The following GDPD5 variants were observed in gnomAD, a reference collection of about 807,000 sequenced individuals.
GDPD5 encodes the protein glycerophosphodiester phosphodiesterase domain containing 5, also known as glycerophosphodiester phosphodiesterase 2.
A neutral mutation model predicts 75.1 loss-of-function variants in GDPD5; 48 were observed. The observed-to-expected ratio is 0.64, with a 90% CI of 0.51 to 0.81. The LOEUF (loss-of-function observed/expected upper bound fraction) is 0.81. GDPD5 is among the 40% of genes least tolerant of loss of function. GDPD5 has a pLI of 0.00. For missense variants in GDPD5, 706 were observed against 822.6 expected (o/e 0.86, Z 1.73); for synonymous variants, 336 against 339.0 (o/e 0.99, Z 0.10).
At chr11:75,445,236 A>T (rs1384298653) in intron 9 of GDPD5, among the ~76,000 whole-genome samples, 1 of 152,066 alleles carries the variant, frequency 6.6e-6, no homozygotes, top group Non-Finnish European at 1.5e-5. Flanking sequence ...AACAGCCTCA[A>T]ACTCCTGGGC....
At chr11:75,482,944 T>G (rs1464958439) in intron 2 of GDPD5, among the ~76,000 whole-genome samples, 4 of 152,314 alleles carry the variant, frequency 2.6e-5, no homozygotes, top group African/African-American at 9.6e-5. Flanking sequence ...AGGGACTTCT[T>G]GGACCATACT....
At chr11:75,460,305 T>A (rs976137141) in intron 4 of GDPD5, among the ~76,000 whole-genome samples, 1 of 151,332 alleles carries the variant, frequency 6.6e-6, no homozygotes, top group Non-Finnish European at 1.5e-5. Context: ...CAGAGATTCT[T>A]TTTTTTTTGA....
chr11:75,455,481 CG>C (rs923152842), intron 6 of GDPD5: 5 of 412,844 alleles, frequency 1.2e-5, no homozygotes, highest in Non-Finnish European at 2.0e-5. Context: ...AAACCGGCCT[CG>C]GTGCCTCCCT....
At chr11:75,458,137 C>G (rs1232402788) in intron 4 of GDPD5, among the ~76,000 whole-genome samples, 1 of 152,218 alleles carries the variant, frequency 6.6e-6, no homozygotes, top group East Asian at 1.9e-4. Flanking sequence ...GCAACACGGT[C>G]AGGAGCACAG....
At chr11:75,498,099 G>A (rs1171778700) in intron 1 of GDPD5, among the ~76,000 whole-genome samples, 4 of 151,630 alleles carry the variant, frequency 2.6e-5, no homozygotes, top group Admixed American at 6.6e-5. Context: ...GGCTGGTGGA[G>A]GGGGGGCTGA....
At position 75,435,358 on chromosome 11, in the gene GDPD5, A is replaced by C; in HGVS notation, c.*149T>G. On this transcript the variant is annotated 3_prime_UTR_variant, in exon 17 of 17. Transcript: ENST00000336898. ...CTCAGGAGACAGGGAGTCCCCCTCA[A>C]GAGAGGCTGCGGCTGACAAGGGGCT... is the stretch of plus-strand genomic sequence containing the variant. The C allele has an allele frequency of 2.4e-5, 16 of 670,258 alleles. No individual in the cohort carries two copies. Among genetic ancestry groups the C allele is most frequent in the South Asian group, 7.5e-5 (3 of 39,940 alleles). The allele number at this position is 670,258 out of a possible 1,614,324, so 41.5% of individuals were successfully genotyped here.
At chr11:75,466,688 C>T (rs1252679874) in intron 3 of GDPD5, among the ~76,000 whole-genome samples, 2 of 152,202 alleles carry the variant, frequency 1.3e-5, no homozygotes, top group African/African-American at 4.8e-5. Flanking sequence ...TTGTGCACTG[C>T]CCCCTAAGAA....
intron 1 of GDPD5, among the ~76,000 whole-genome samples, chr11:75,494,240 C>A (rs1273339673): frequency 6.9e-6 from 1 of 143,984 alleles, no homozygotes; most frequent in African/African-American, 2.6e-5. Flanking sequence ...GACAGAGTCT[C>A]GCTCTGTCAC....
chr11:75,455,336 G>A (rs567493250), intron 6 of GDPD5: 1 of 456,300 alleles, frequency 2.2e-6, no homozygotes, highest in Admixed American at 2.3e-5. Context: ...AGAGGGGATA[G>A]TGGAAGCCCA....
At chr11:75,518,215 G>C (rs1245713650) in intron 1 of GDPD5, among the ~76,000 whole-genome samples, 1 of 152,188 alleles carries the variant, frequency 6.6e-6, no homozygotes, top group Non-Finnish European at 1.5e-5. Context: ...TCATTTTTCA[G>C]ATGAGGAAAC....
chr11:75,525,627 G>A lies in GDPD5; in HGVS notation c.-562C>T, dbSNP rs981881189. ...TAGGAGCGTCCCGTCCCGGCGCAGC[G>A]GGTCAGGGCCGGGGCTCCGCGCGTC... On this transcript the variant is annotated 5_prime_UTR_variant, in exon 1 of 17. Transcript: ENST00000336898. The A allele has an allele frequency of 6.6e-6, 1 of 151,744 alleles. No homozygotes were observed. The highest frequency in any genetic ancestry group is 6.6e-5 in the Admixed American group (1 of 15,244). 9.4% of individuals were successfully genotyped at this position (151,744 alleles called of 1,614,324 possible).
chr11:75,517,277 A>G (rs1950657815), intron 1 of GDPD5: 1 of 152,182 alleles, frequency 6.6e-6, no homozygotes, highest in African/African-American at 2.4e-5. Flanking sequence ...CAACATAGCG[A>G]AACTCCATCT....
chr11:75,500,154 G>A (rs1314387988), intron 1 of GDPD5, among the ~76,000 whole-genome samples: 6 of 152,140 alleles, frequency 3.9e-5, no homozygotes, highest in Non-Finnish European at 8.8e-5. Flanking sequence ...GGTGTCTACA[G>A]ATGACCACTT....
chr11:75,486,191 G>T (rs1029461073), intron 2 of GDPD5, among the ~76,000 whole-genome samples: 20 of 152,132 alleles, frequency 1.3e-4, no homozygotes, highest in African/African-American at 4.8e-4. Flanking sequence ...AAGCAGAGAG[G>T]GGGCTGCTCG....
Position 75,462,899 on chromosome 11 carries a change from C to T in GDPD5, c.118-10G>A. Reference sequence around the variant, plus strand: ...ACCAGAGGCGCTCCCACTGGAAGAGCAGAGGAGGAGGGGATTAAGTGGGTC... The same window carrying T: ...ACCAGAGGCGCTCCCACTGGAAGAGTAGAGGAGGAGGGGATTAAGTGGGTC... On this transcript the variant is annotated splice_polypyrimidine_tract_variant and intron_variant, in intron 3 of 16. Transcript: ENST00000336898. The T allele has an allele frequency of 6.2e-7, 1 of 1,610,616 alleles. No homozygotes were observed. The highest frequency in any genetic ancestry group is 8.5e-7 in the Non-Finnish European group (1 of 1,177,860).
At chr11:75,446,675 GT>G (rs746477143) in intron 9 of GDPD5, among the ~76,000 whole-genome samples, 1 of 152,186 alleles carries the variant, frequency 6.6e-6, no homozygotes, top group Non-Finnish European at 1.5e-5. Context: ...AGACAGAGAT[GT>G]GCACTTGGGC....
rs760292424 is a variant in GDPD5 at position 75,442,484 on chromosome 11, G to A, written c.1046C>T (p.Ala349Val). 4 of 1,613,998 alleles carry A rather than the reference G, an allele frequency of 2.5e-6. No individual in the cohort carries two copies. In the Admixed American group the frequency reaches 6.7e-5, roughly 27 times the overall value. ...GAGCAGCAGTGTGGCATTGCCCTTG[G>A]CCAGCTCCAGGAGCTCTGCCAGGCT... ...ICSLAELLEL[A>V]KGNATLLLNL... is the part of the protein sequence containing the mutation. Residue 349 changes from alanine (A) to valine (V), a missense_variant, in exon 12 of 17, where the codon GCC becomes GTC. Ala to Val is a moderately conservative substitution (Grantham distance 64). Transcript: ENST00000336898.
intron 3 of GDPD5, among the ~76,000 whole-genome samples, chr11:75,468,228 A>G (rs938189373): frequency 1.3e-5 from 2 of 152,146 alleles, no homozygotes; most frequent in African/African-American, 4.8e-5. Context: ...TTAACAGAAC[A>G]TGGGGTCTGA....
intron 1 of GDPD5, among the ~76,000 whole-genome samples, chr11:75,514,867 A>C (rs1404900695): frequency 6.6e-6 from 1 of 152,234 alleles, no homozygotes; most frequent in African/African-American, 2.4e-5. Flanking sequence ...TCTCCTCTGA[A>C]ATACAGGATG....
Sources: gnomAD v4.1 joint callset for allele counts (sites outside exome capture counted in the v4.1 genomes callset) on GRCh38, gnomAD v4.1.1 for gene constraint, MANE v1.5 for transcripts, NCBI Gene and HGNC (gene_info 2026-07-23, HGNC 2026-07-21) for gene names.